The following NTM variants were observed in gnomAD, a reference collection of about 807,000 sequenced individuals.
NTM encodes IgLON family member 2.
Under a neutral mutation model 42.1 loss-of-function variants are expected in NTM, and 13 were observed. The ratio of observed to expected loss-of-function variants is 0.31; its 90% CI spans 0.20 to 0.49. The LOEUF is 0.49. Among genes scored for constraint, NTM ranks in the 20% least tolerant of loss-of-function variants. NTM has a pLI of 0.99. For missense variants in NTM, 373 were observed against 452.8 expected (o/e 0.82, Z 1.60); for synonymous variants, 187 against 179.2 (o/e 1.04, Z -0.35).
In NTM at chr11:131,401,836, A is replaced by ATGTG. The variant is rs1188322466; in HGVS notation, c.82+30949_82+30950insGTGT. On this transcript the variant is annotated intron_variant, in intron 1 of 8. Transcript: ENST00000683400. Reference sequence around the variant, plus strand: ...TATATATATATATATATATATATATATATATATATATATATATATATATAT... The same window carrying ATGTG: ...TATATATATATATATATATATATATATGTGTATATATATATATATATATATATAT... Among the ~76,000 whole-genome samples, 5 of 87,118 alleles carry ATGTG rather than the reference A, an allele frequency of 5.7e-5. 1 individual carries two copies. The highest frequency in any genetic ancestry group is 1.6e-4 in the African/African-American group (4 of 24,416). The allele number at this position is 87,118 out of a possible 152,430, so 57.2% of individuals were successfully genotyped here. A position where few individuals can be genotyped will look rare whatever the true frequency, so the allele number is the denominator to read the frequency against.
chr11:132,260,252 C>T (rs1398298140), intron 4 of NTM, among the ~76,000 whole-genome samples: 3 of 114,694 alleles, frequency 2.6e-5, no homozygotes, highest in South Asian at 2.7e-4. Flanking sequence ...AAAAATCACC[C>T]AGCCTTTTTT....
chr11:131,786,650 G>A (rs746911796), intron 1 of NTM, among the ~76,000 whole-genome samples: 19 of 152,260 alleles, frequency 1.2e-4, no homozygotes, highest in Admixed American at 2.0e-4. Context: ...TTGTGTGATT[G>A]ATCTTTTAGA....
intron 2 of NTM, among the ~76,000 whole-genome samples, chr11:132,052,295 C>T (rs756397851): frequency 2.0e-5 from 3 of 152,084 alleles, no homozygotes; most frequent in African/African-American, 4.8e-5. Context: ...TTTTCCCTTC[C>T]TCCTTTTTAT....
At chr11:132,274,176 A>G (rs2139734113) in intron 4 of NTM, among the ~76,000 whole-genome samples, 1 of 151,360 alleles carries the variant, frequency 6.6e-6, no homozygotes, top group South Asian at 2.1e-4. Context: ...CCAACAATTG[A>G]TTTTCTTGAC....
chr11:132,048,360 C>T (rs1398536245), intron 2 of NTM, among the ~76,000 whole-genome samples: 3 of 152,168 alleles, frequency 2.0e-5, no homozygotes, highest in Admixed American at 6.5e-5. Context: ...TGGGTCCACA[C>T]GATCAATACA....
At chr11:131,545,494 A>G (rs1468440017) in intron 1 of NTM, among the ~76,000 whole-genome samples, 1 of 152,104 alleles carries the variant, frequency 6.6e-6, no homozygotes, top group Non-Finnish European at 1.5e-5. Flanking sequence ...TTATTCATCC[A>G]TACATCTATC....
chr11:131,595,447 T>C (rs2059735160), intron 1 of NTM, among the ~76,000 whole-genome samples: 1 of 152,188 alleles, frequency 6.6e-6, no homozygotes, highest in Non-Finnish European at 1.5e-5. Flanking sequence ...GAAAGATGTG[T>C]CATTTAGAAG....
At chr11:131,465,868 G>A (rs894802142) in intron 1 of NTM, among the ~76,000 whole-genome samples, 2 of 151,198 alleles carry the variant, frequency 1.3e-5, no homozygotes, top group South Asian at 2.1e-4. Flanking sequence ...CCCTGGAGCC[G>A]TGAGACCCCT....
At chr11:131,954,415 G>T (rs1039900996) in intron 2 of NTM, among the ~76,000 whole-genome samples, 4 of 152,172 alleles carry the variant, frequency 2.6e-5, no homozygotes, top group African/African-American at 9.6e-5. Context: ...AGGGACTCTG[G>T]CTCTCTGAAG....
At chr11:132,199,363 C>T (rs1051103963) in intron 3 of NTM, among the ~76,000 whole-genome samples, 25 of 152,266 alleles carry the variant, frequency 1.6e-4, no homozygotes, top group African/African-American at 4.6e-4. Flanking sequence ...TGAGGCACAA[C>T]GTTTGCTTCT....
chr11:131,847,308 TTAAA>T (rs1401091618), intron 1 of NTM, among the ~76,000 whole-genome samples: 3 of 150,724 alleles, frequency 2.0e-5, no homozygotes, highest in Non-Finnish European at 4.4e-5. Context: ...TCAATTCTTA[TTAAA>T]TAAATTAAAT....
chr11:131,407,175 T>C (rs1193709816), intron 1 of NTM, among the ~76,000 whole-genome samples: 2 of 152,174 alleles, frequency 1.3e-5, no homozygotes, highest in Non-Finnish European at 2.9e-5. Context: ...CCAGAGAATA[T>C]AGTTACAAGA....
intron 3 of NTM, among the ~76,000 whole-genome samples, chr11:132,185,801 A>G (rs2078301496): frequency 2.0e-5 from 3 of 152,176 alleles, no homozygotes; most frequent in Admixed American, 2.0e-4. Context: ...AGGATGGAGT[A>G]GGAAGGGGGC....
chr11:131,499,098 C>T (rs2046409486), intron 1 of NTM, among the ~76,000 whole-genome samples: 1 of 152,226 alleles, frequency 6.6e-6, no homozygotes, highest in African/African-American at 2.4e-5. Flanking sequence ...TGACAGCTCT[C>T]GGAGCCTGGA....
chr11:132,009,166 A>AC (rs1005738133), intron 2 of NTM, among the ~76,000 whole-genome samples: 1 of 152,050 alleles, frequency 6.6e-6, no homozygotes, highest in Non-Finnish European at 1.5e-5. Flanking sequence ...ACAATTGGAA[A>AC]CCTGCTTTTC....
chr11:131,822,330 G>A (rs1163330426), intron 1 of NTM, among the ~76,000 whole-genome samples: 1 of 152,016 alleles, frequency 6.6e-6, no homozygotes, highest in Non-Finnish European at 1.5e-5. Context: ...CTCTCACGCA[G>A]CTTTCTTGAA....
intron 2 of NTM, among the ~76,000 whole-genome samples, chr11:131,950,820 G>A (rs911982677): frequency 3.3e-5 from 5 of 152,096 alleles, no homozygotes; most frequent in African/African-American, 1.2e-4. Context: ...TCCCACGCAT[G>A]GCCTCTCTTC....
At chr11:131,991,605 G>A (rs773073704) in intron 2 of NTM, among the ~76,000 whole-genome samples, 1 of 152,180 alleles carries the variant, frequency 6.6e-6, no homozygotes, top group African/African-American at 2.4e-5. Flanking sequence ...GCCATGTCAA[G>A]TATAAACATT....
chr11:131,849,884 A>G (rs574730580), intron 1 of NTM, among the ~76,000 whole-genome samples: 7 of 151,392 alleles, frequency 4.6e-5, no homozygotes, highest in Admixed American at 3.3e-4. Context: ...TGACGAGTTA[A>G]TGGGTGCAGC....
Sources: gnomAD v4.1 joint callset for allele counts (sites outside exome capture counted in the v4.1 genomes callset) on GRCh38, gnomAD v4.1.1 for gene constraint, MANE v1.5 for transcripts, NCBI Gene and HGNC (gene_info 2026-07-23, HGNC 2026-07-21) for gene names.